HIP1: variants seen among roughly 807,000 people sequenced by gnomAD.
HIP1 encodes the protein huntingtin interacting protein 1.
HIP1 carries 65 observed loss-of-function variants against 147.6 expected under a neutral mutation model. The ratio of observed to expected loss-of-function variants is 0.44; its 90% CI spans 0.36 to 0.54. The LOEUF is 0.54. Among genes scored for constraint, HIP1 ranks in the 20% least tolerant of loss-of-function variants. HIP1 has a pLI of 0.00. For missense variants in HIP1, 1,061 were observed against 1,299.6 expected (o/e 0.82, Z 2.82); for synonymous variants, 479 against 504.0 (o/e 0.95, Z 0.67).
chr7:75,603,233 AGCTATTAGG>A (rs1554503304), intron 1 of HIP1, among the ~76,000 whole-genome samples: 2 of 151,520 alleles, frequency 1.3e-5, no homozygotes, highest in African/African-American at 4.9e-5. Context: ...CTGTAGTCCT[AGCTATTAGG>A]GAGGTTGAGG....
At chr7:75,626,682 T>C (rs587632893) in intron 1 of HIP1, 3 of 152,322 alleles carry the variant, frequency 2.0e-5, no homozygotes, top group South Asian at 4.1e-4. Flanking sequence ...ACCACTGTGA[T>C]ATATTATTTC....
intron 1 of HIP1, among the ~76,000 whole-genome samples, chr7:75,707,608 T>C (rs1455958547): frequency 6.6e-6 from 1 of 151,396 alleles, no homozygotes; most frequent in Non-Finnish European, 1.5e-5. Flanking sequence ...ATGGTAAAGT[T>C]CATATGGAAC....
chr7:75,602,754 A>C (rs781386119), intron 1 of HIP1, among the ~76,000 whole-genome samples: 100 of 151,988 alleles, frequency 6.6e-4, no homozygotes, highest in Non-Finnish European at 1.1e-3. Flanking sequence ...CCTCTGTTGT[A>C]AGTTGAATTG....
At chr7:75,735,111 T>C (rs905146371) in intron 1 of HIP1, among the ~76,000 whole-genome samples, 9 of 152,138 alleles carry the variant, frequency 5.9e-5, no homozygotes, top group African/African-American at 2.2e-4. Flanking sequence ...ATCCCCACAA[T>C]AAATCAGCCA....
intron 1 of HIP1, among the ~76,000 whole-genome samples, chr7:75,663,743 A>C (rs993665509): frequency 4.6e-5 from 7 of 151,006 alleles, no homozygotes; most frequent in Admixed American, 2.0e-4. Flanking sequence ...GGTAAAACCC[A>C]GCAGGAGACG....
At chr7:75,549,059 G>T in intron 22 of HIP1, 58 bp from the exon 23 acceptor site, 1 of 1,229,974 alleles carries the variant, frequency 8.1e-7, no homozygotes, top group Non-Finnish European at 1.2e-6. Flanking sequence ...CTTCTCCTCT[G>T]CCATCTGTAA....
intron 9 of HIP1, among the ~76,000 whole-genome samples, chr7:75,567,053 A>C (rs1795432771): frequency 6.6e-6 from 1 of 151,198 alleles, no homozygotes. Flanking sequence ...CTGAGGTTGC[A>C]GTAAGCCAAG....
intron 1 of HIP1, among the ~76,000 whole-genome samples, chr7:75,701,952 C>G (rs1300748760): frequency 6.6e-6 from 1 of 151,688 alleles, no homozygotes; most frequent in Admixed American, 6.6e-5. Flanking sequence ...ATTTTTTGGA[C>G]AGAGTCTCGC....
chr7:75,593,369 G>A (rs979699149), intron 2 of HIP1, among the ~76,000 whole-genome samples: 28 of 152,010 alleles, frequency 1.8e-4, no homozygotes, highest in African/African-American at 6.0e-4. Flanking sequence ...AGAGACTCAC[G>A]CCTATAATCC....
intron 1 of HIP1, among the ~76,000 whole-genome samples, chr7:75,622,455 C>T (rs1162666111): frequency 6.6e-6 from 1 of 151,988 alleles, no homozygotes; most frequent in Admixed American, 6.6e-5. Context: ...AATCCCAGCA[C>T]TTTGGGAGTC....
intron 1 of HIP1, among the ~76,000 whole-genome samples, chr7:75,729,848 C>T (rs1801777107): frequency 6.6e-6 from 1 of 152,092 alleles, no homozygotes; most frequent in Non-Finnish European, 1.5e-5. Context: ...CTGTCCAGAA[C>T]AGGTGATTTA....
In HIP1 at chr7:75,606,478, C is replaced by T. The variant is rs1797228940; in HGVS notation, c.121-7231G>A. ...CCTATAATCCCAGCTACTTGGGAGGCTGAGGCAGAATTGCTTGAACACGGG... is the reference window on the plus strand; with the variant it reads ...CCTATAATCCCAGCTACTTGGGAGGTTGAGGCAGAATTGCTTGAACACGGG... On this transcript the variant is annotated intron_variant, in intron 1 of 30. Transcript: ENST00000336926. Among the ~76,000 whole-genome samples the T allele has an allele frequency of 2.6e-5, 4 of 151,956 alleles. No individual in the cohort carries two copies. The South Asian group carries it at 6.2e-4, about 24-fold the overall frequency.
chr7:75,634,559 T>G (rs1563259333), intron 1 of HIP1, among the ~76,000 whole-genome samples: 1 of 152,196 alleles, frequency 6.6e-6, no homozygotes, highest in Admixed American at 6.5e-5. Context: ...TCTGAACTAA[T>G]TTTCTGTAAA....
At chr7:75,598,989 GTC>G (rs199937332) in intron 2 of HIP1, among the ~76,000 whole-genome samples, 193 bp downstream of exon 2, 3,172 of 152,280 alleles carry the variant, frequency 0.021, 88 homozygotes, top group African/African-American at 0.071. Flanking sequence ...CCTTTTTGGT[GTC>G]TGCCACCCTG....
chr7:75,540,343 C>T (rs1554489609), intron 29 of HIP1, among the ~76,000 whole-genome samples: 4 of 150,496 alleles, frequency 2.7e-5, no homozygotes, highest in South Asian at 2.1e-4. Flanking sequence ...GTAGGAGAAT[C>T]GCTTGAACCT....
At chr7:75,608,290 G>C (rs1554504229) in intron 1 of HIP1, among the ~76,000 whole-genome samples, 1 of 152,182 alleles carries the variant, frequency 6.6e-6, no homozygotes, top group Non-Finnish European at 1.5e-5. Context: ...CTGGGTGACA[G>C]AGAGAAACTC....
intron 1 of HIP1, among the ~76,000 whole-genome samples, chr7:75,697,538 AT>A (rs1800679186): frequency 6.6e-6 from 1 of 152,202 alleles, no homozygotes; most frequent in Non-Finnish European, 1.5e-5. Context: ...ATTCTTCCAG[AT>A]AAATGTTAGA....
chr7:75,691,856 G>C (rs1800464163), intron 1 of HIP1, among the ~76,000 whole-genome samples: 1 of 152,094 alleles, frequency 6.6e-6, no homozygotes, highest in Non-Finnish European at 1.5e-5. Context: ...AAGACTAGTG[G>C]TTGTCAGGGA....
intron 12 of HIP1, 55 bp downstream of exon 12, chr7:75,562,018 G>A: frequency 9.9e-7 from 1 of 1,005,752 alleles, no homozygotes; most frequent in South Asian, 1.3e-5. Flanking sequence ...TTTTGAGGCA[G>A]ACCATGGCTT....
Sources: gnomAD v4.1 joint callset for allele counts (sites outside exome capture counted in the v4.1 genomes callset) on GRCh38, gnomAD v4.1.1 for gene constraint, MANE v1.5 for transcripts, NCBI Gene and HGNC (gene_info 2026-07-23, HGNC 2026-07-21) for gene names.